Variants in AKAP19 observed in about 807,000 individuals in gnomAD.
The protein encoded by AKAP19 is A-kinase anchoring protein 19, also known as small A-kinase anchoring protein.
chr2:189,892,722 T>C, the AKAP19 span, among the ~76,000 whole-genome samples: 2 of 152,212 alleles, frequency 1.3e-5, no homozygotes, highest in African/African-American at 4.8e-5. Context: ...AGAGACCCAC[T>C]TGAGGAGGCA....
At chr2:189,917,244 TACAA>T in the AKAP19 span, 10 of 1,220,498 alleles carry the variant, frequency 8.2e-6, no homozygotes, top group Non-Finnish European at 1.1e-5. Flanking sequence ...ATCAAGCTTT[TACAA>T]ACACTGTCTT....
chr2:190,124,964 T>A, the AKAP19 span, among the ~76,000 whole-genome samples: 1 of 152,140 alleles, frequency 6.6e-6, no homozygotes, highest in Non-Finnish European at 1.5e-5. Flanking sequence ...ATCATCAATA[T>A]CATTGTTTCC....
the AKAP19 span, among the ~76,000 whole-genome samples, chr2:190,037,882 G>C: frequency 2.0e-5 from 3 of 152,172 alleles, no homozygotes; most frequent in South Asian, 6.2e-4. Context: ...GCTGATCAAA[G>C]TTACGTGTTT....
the AKAP19 span, among the ~76,000 whole-genome samples, chr2:190,022,115 A>T: frequency 6.6e-6 from 1 of 152,102 alleles, no homozygotes; most frequent in South Asian, 2.1e-4. Flanking sequence ...TAATCCATTC[A>T]TGAAGGCAGG....
chr2:189,918,248 T>G, the AKAP19 span, among the ~76,000 whole-genome samples: 1 of 152,132 alleles, frequency 6.6e-6, no homozygotes, highest in African/African-American at 2.4e-5. Context: ...TTTATCTATG[T>G]TTTTTACTTA....
the AKAP19 span, among the ~76,000 whole-genome samples, chr2:189,928,123 AGAGTTACAGGCC>A: frequency 6.6e-6 from 1 of 152,162 alleles, no homozygotes; most frequent in African/African-American, 2.4e-5. Context: ...ACATTTTTCA[AGAGTTACAGGCC>A]TGTTATTTTA....
At chr2:189,925,583 G>A in the AKAP19 span, among the ~76,000 whole-genome samples, 1 of 152,088 alleles carries the variant, frequency 6.6e-6, no homozygotes, top group Non-Finnish European at 1.5e-5. Flanking sequence ...ATGTCCATAG[G>A]TTCATTTGTG....
the AKAP19 span, among the ~76,000 whole-genome samples, chr2:190,184,831 A>G: frequency 6.6e-6 from 1 of 151,676 alleles, no homozygotes; most frequent in Non-Finnish European, 1.5e-5. Context: ...ATTTCCTTGT[A>G]TTAGTGAGAA....
At chr2:189,983,085 T>C in the AKAP19 span, among the ~76,000 whole-genome samples, 1 of 152,138 alleles carries the variant, frequency 6.6e-6, no homozygotes, top group Non-Finnish European at 1.5e-5. Flanking sequence ...AGATATCATG[T>C]TGGGGTGCAT....
the AKAP19 span, among the ~76,000 whole-genome samples, chr2:189,933,473 G>A: frequency 1.5e-4 from 23 of 151,800 alleles, no homozygotes; most frequent in South Asian, 4.2e-4. Context: ...TTTCATATGT[G>A]GGCCATTTTT....
chr2:189,943,681 T>C, the AKAP19 span, among the ~76,000 whole-genome samples: 1 of 152,216 alleles, frequency 6.6e-6, no homozygotes, highest in East Asian at 1.9e-4. Flanking sequence ...CACCAGCTCT[T>C]GAAAGCAGCC....
chr2:190,065,572 G>C, the AKAP19 span, among the ~76,000 whole-genome samples: 9 of 152,126 alleles, frequency 5.9e-5, no homozygotes, highest in Admixed American at 5.9e-4. Flanking sequence ...CTGGCTGTGA[G>C]TTCAGTGTTA....
the AKAP19 span, among the ~76,000 whole-genome samples, chr2:190,119,976 A>G: frequency 1.3e-5 from 2 of 152,226 alleles, no homozygotes; most frequent in Non-Finnish European, 2.9e-5. Flanking sequence ...TTGTAAAGGC[A>G]GACTTATCAA....
At chr2:190,198,580 C>T in the AKAP19 span, among the ~76,000 whole-genome samples, 3 of 140,390 alleles carry the variant, frequency 2.1e-5, no homozygotes, top group African/African-American at 5.5e-5. Flanking sequence ...TACAGTGAGC[C>T]GTGATTGCAT....
At chr2:189,971,822 G>A in the AKAP19 span, among the ~76,000 whole-genome samples, 1 of 76,100 alleles carries the variant, frequency 1.3e-5, no homozygotes, top group Admixed American at 1.8e-4. Context: ...ACTTTTTGAT[G>A]GGGTTGTTTG....
chr2:190,015,249 C>T, the AKAP19 span, among the ~76,000 whole-genome samples: 2 of 152,206 alleles, frequency 1.3e-5, no homozygotes, highest in Non-Finnish European at 2.9e-5. Flanking sequence ...CCTGGACATC[C>T]AGGCATTTCC....
At chr2:190,004,346 G>A in the AKAP19 span, among the ~76,000 whole-genome samples, 1 of 152,082 alleles carries the variant, frequency 6.6e-6, no homozygotes, top group Non-Finnish European at 1.5e-5. Context: ...ATGAAAATAT[G>A]TCAGATATTA....
At chr2:189,953,047 A>T in the AKAP19 span, among the ~76,000 whole-genome samples, 1 of 152,048 alleles carries the variant, frequency 6.6e-6, no homozygotes, top group South Asian at 2.1e-4. Context: ...AGTTGTAGGG[A>T]TTGTGTCTTT....
the AKAP19 span, among the ~76,000 whole-genome samples, chr2:189,945,746 T>G: frequency 5.9e-5 from 9 of 152,328 alleles, no homozygotes; most frequent in Admixed American, 5.2e-4. Flanking sequence ...GGGTCCTTTA[T>G]GTTATGTTAT....
Sources: allele counts gnomAD v4.1 joint callset (sites outside exome capture counted in the v4.1 genomes callset), GRCh38; gene constraint gnomAD v4.1.1; transcripts MANE v1.5; gene names NCBI Gene and HGNC (gene_info 2026-07-23, HGNC 2026-07-21).